FNBP1: variants seen among roughly 807,000 people sequenced by gnomAD.
FNBP1 encodes the protein formin binding protein 1, also known as formin-binding protein 1.
In FNBP1, 26 loss-of-function variants were observed where a neutral mutation model predicts 90.6. The observed-to-expected ratio is 0.29, with a 90% CI of 0.21 to 0.40. FNBP1 has a LOEUF of 0.40. FNBP1 is among the 10% of genes least tolerant of loss of function. The probability of loss-of-function intolerance (pLI) is 1.00; values close to 1 mark genes in which losing one functional copy is unlikely to be tolerated. For missense variants in FNBP1, 635 were observed against 768.0 expected (o/e 0.83, Z 2.05); for synonymous variants, 260 against 265.2 (o/e 0.98, Z 0.19).
chr9:129,987,712 G>A (rs764960146), intron 2 of FNBP1, among the ~76,000 whole-genome samples: 21 of 151,820 alleles, frequency 1.4e-4, no homozygotes, highest in Non-Finnish European at 2.2e-4. Context: ...TGTTGGCCAG[G>A]CTGGTCTCAA....
chr9:130,019,210 TGA>T (rs2057566620), intron 1 of FNBP1, among the ~76,000 whole-genome samples: 1 of 149,976 alleles, frequency 6.7e-6, no homozygotes, highest in African/African-American at 2.5e-5. Context: ...CCCGCCTGGA[TGA>T]GAGTTAGACT....
At chr9:129,959,697 T>C (rs1445896341) in intron 4 of FNBP1, among the ~76,000 whole-genome samples, 1 of 152,302 alleles carries the variant, frequency 6.6e-6, no homozygotes, top group East Asian at 1.9e-4. Flanking sequence ...TGCTTTGAGA[T>C]ATGATTCAGA....
chr9:130,002,625 A>T (rs2055034688), intron 1 of FNBP1, among the ~76,000 whole-genome samples: 1 of 152,154 alleles, frequency 6.6e-6, no homozygotes, highest in African/African-American at 2.4e-5. Context: ...CAGGTGCCTT[A>T]TCTTGAACTT....
chr9:130,024,789 A>T (rs528101235), intron 1 of FNBP1, among the ~76,000 whole-genome samples: 7 of 152,190 alleles, frequency 4.6e-5, no homozygotes, highest in Non-Finnish European at 7.4e-5. Flanking sequence ...ACTGCCTAAA[A>T]TTTTTCTGCA....
At chr9:129,946,927 C>G (rs1005004644) in intron 6 of FNBP1, among the ~76,000 whole-genome samples, 5 of 152,200 alleles carry the variant, frequency 3.3e-5, no homozygotes, top group African/African-American at 9.7e-5. Flanking sequence ...ATTTTGATAA[C>G]CTTTTCCTTT....
In FNBP1 at chr9:129,952,248, C is replaced by T. The variant is rs148815099; in HGVS notation, c.513+5112G>A. ...GGTGCGGTGGCTCATGCCTGTAATC[C>T]TAGCACTTTCGGAGGCTGAGGTGGG... On this transcript the variant is annotated intron_variant, in intron 6 of 16. Transcript: ENST00000446176. Among the ~76,000 whole-genome samples, 767 of 151,714 alleles carry T rather than the reference C, an allele frequency of 5.1e-3. 8 individuals are homozygous for T. The highest frequency in any genetic ancestry group is 0.018 in the African/African-American group (729 of 41,350).
At chr9:130,013,996 T>C (rs1451806640) in intron 1 of FNBP1, 11 of 456,416 alleles carry the variant, frequency 2.4e-5, no homozygotes, top group Admixed American at 2.1e-4. Flanking sequence ...TATTCTGCTA[T>C]AGCAACACAA....
intron 1 of FNBP1, among the ~76,000 whole-genome samples, chr9:130,004,496 G>A (rs1564551823): frequency 6.6e-6 from 1 of 152,148 alleles, no homozygotes; most frequent in Non-Finnish European, 1.5e-5. Context: ...GTGCTATCTA[G>A]ACTGCTATTT....
chr9:129,919,499 A>G (rs764753553), intron 10 of FNBP1, among the ~76,000 whole-genome samples: 2 of 152,230 alleles, frequency 1.3e-5, no homozygotes, highest in Non-Finnish European at 2.9e-5. Flanking sequence ...AGAACATGCT[A>G]TCTAGTTTCA....
chr9:129,899,886 G>A (rs992583247), intron 15 of FNBP1, 79 bp downstream of exon 15: 3 of 1,277,622 alleles, frequency 2.3e-6, no homozygotes, highest in African/African-American at 3.1e-5. Flanking sequence ...AGGAAGGAAG[G>A]AAGGAAAAGT....
intron 12 of FNBP1, among the ~76,000 whole-genome samples, chr9:129,906,268 A>G (rs1287142291): frequency 6.6e-6 from 1 of 152,204 alleles, no homozygotes; most frequent in East Asian, 1.9e-4. Flanking sequence ...TTTGATATTT[A>G]TTGAGATTTG....
At chr9:130,050,374 T>C in the FNBP1 span, among the ~76,000 whole-genome samples, 2 of 151,918 alleles carry the variant, frequency 1.3e-5, no homozygotes, top group Non-Finnish European at 2.9e-5. Flanking sequence ...GGTTGAGGAG[T>C]AATTTTGAAG....
At chr9:129,912,373 C>T (rs902713463) in intron 11 of FNBP1, among the ~76,000 whole-genome samples, 6 of 152,082 alleles carry the variant, frequency 3.9e-5, no homozygotes, top group African/African-American at 1.2e-4. Context: ...AAACACAATG[C>T]TAAGATACAC....
chr9:130,003,227 G>T (rs1440223353), intron 1 of FNBP1, among the ~76,000 whole-genome samples: 1 of 152,060 alleles, frequency 6.6e-6, no homozygotes, highest in East Asian at 1.9e-4. Context: ...GGGAGGTCGA[G>T]GCAGGCGGAT....
At chr9:129,981,221 G>T (rs539028354) in intron 2 of FNBP1, among the ~76,000 whole-genome samples, 148 of 152,178 alleles carry the variant, frequency 9.7e-4, no homozygotes, top group African/African-American at 3.5e-3. Flanking sequence ...CCGAGTACCT[G>T]GGATTGCAGG....
chr9:129,938,927 G>A (rs1039205729), intron 6 of FNBP1, among the ~76,000 whole-genome samples: 11 of 151,956 alleles, frequency 7.2e-5, no homozygotes, highest in Admixed American at 3.9e-4. Context: ...GGTTTCTCAC[G>A]CATGGTCATT....
intron 11 of FNBP1, among the ~76,000 whole-genome samples, chr9:129,914,034 G>C (rs775345189): frequency 6.6e-6 from 1 of 151,274 alleles, no homozygotes; most frequent in Non-Finnish European, 1.5e-5. Flanking sequence ...TTTTGTATTT[G>C]TTTGTAGAGT....
chr9:129,957,250 C>G lies in FNBP1; in HGVS notation c.513+110G>C. The G allele has an allele frequency of 1.4e-6, 1 of 722,284 alleles. No individual in the cohort carries two copies. Among genetic ancestry groups the G allele is most frequent in the Middle Eastern group, 3.4e-4 (1 of 2,922 alleles). The allele number at this position is 722,284 out of a possible 1,614,324, so 44.7% of individuals were successfully genotyped here. On this transcript the variant is annotated intron_variant, in intron 6 of 16. Coordinates refer to ENST00000446176, the MANE Select transcript of FNBP1 (RefSeq NM_015033.3). The surrounding 1 kb of genome is among the most constrained non-coding windows in gnomAD (Gnocchi z 4.3). ...ATGGGGTTTCACCATCTTGGCCAGG[C>G]TGGTCTCGAACTCCTGGCCTCAGGT...
chr9:130,045,107 C>G (rs2060051824), upstream of FNBP1: 1 of 152,080 alleles, frequency 6.6e-6, no homozygotes, highest in Non-Finnish European at 1.5e-5. Flanking sequence ...TTTTCAGTTA[C>G]AACCCTCCCT....
Sources: allele counts gnomAD v4.1 joint callset (sites outside exome capture counted in the v4.1 genomes callset), GRCh38; gene constraint gnomAD v4.1.1; non-coding constraint Gnocchi (gnomAD v3.1); transcripts MANE v1.5; gene names NCBI Gene and HGNC (gene_info 2026-07-23, HGNC 2026-07-21).